The following ATP2C2 variants were observed in gnomAD, a reference collection of about 807,000 sequenced individuals.
ATP2C2 encodes the protein ATPase secretory pathway Ca2+ transporting 2.
A neutral mutation model predicts 110.8 loss-of-function variants in ATP2C2; 171 were observed. The ratio of observed to expected loss-of-function variants is 1.54; its 90% CI spans 1.36 to 1.75. ATP2C2 has a LOEUF of 1.75. Among genes scored for constraint, ATP2C2 ranks in the 40% most tolerant of loss-of-function variants. The pLI, the probability that ATP2C2 is intolerant of heterozygous loss-of-function variation, is 0.00. For synonymous variants in ATP2C2, 804 were observed against 508.4 expected (o/e 1.58, Z -7.82); for missense variants, 1,963 against 1,235.0 (o/e 1.59, Z -8.84).
Position 84,446,177 on chromosome 16 carries a change from C to G in ATP2C2, c.1402-152C>G, listed in dbSNP as rs184234089. 6.6e-4 allele frequency: 265 copies of G among 400,542 alleles called. 1 individual carries two copies. The East Asian group carries it at 9.7e-3, about 15-fold the overall frequency. The allele number at this position is 400,542 out of a possible 1,614,324, so 24.8% of individuals were successfully genotyped here. A position where few individuals can be genotyped will look rare whatever the true frequency, so the allele number is the denominator to read the frequency against. ...TTTTTTTTTTTCTAGGTGGGACATT[C>G]CAAGAGAAATGGCCTTTTTTCTATG... On this transcript the variant is annotated intron_variant, in intron 15 of 26. Transcript: ENST00000262429.
intron 24 of ATP2C2, 117 bp downstream of exon 24, chr16:84,460,918 C>T (rs1387015787): frequency 2.2e-6 from 3 of 1,366,398 alleles, no homozygotes; most frequent in East Asian, 4.7e-5. Context: ...CATGTACACA[C>T]ACCGGACAAT....
chr16:84,438,131 T>A (rs1373221999), intron 11 of ATP2C2, among the ~76,000 whole-genome samples: 1 of 152,258 alleles, frequency 6.6e-6, no homozygotes, highest in East Asian at 1.9e-4. Flanking sequence ...TGTTCACTGA[T>A]GGACATTTGG....
Position 84,454,945 on chromosome 16 carries a change from C to T in ATP2C2, c.2108C>T (p.Ala703Val). 6.2e-7 allele frequency: 1 copy of T among 1,613,654 alleles called. No individual in the cohort carries two copies. Among genetic ancestry groups the T allele is most frequent in the East Asian group, 2.2e-5 (1 of 44,856 alleles). ...GGGACGGACGTCAGCAAAGAGGCCG[C>T]CAACATGATCCTGGTGGATGATGAC... ...QTGTDVSKEA[A>V]NMILVDDDFS... Residue 703 changes from alanine to valine, a missense_variant, in exon 21 of 27, where the codon GCC becomes GTC. Ala to Val is a moderately conservative substitution (Grantham distance 64). Transcript: ENST00000262429.
intron 7 of ATP2C2, among the ~76,000 whole-genome samples, chr16:84,419,961 G>A (rs967062036): frequency 5.9e-5 from 9 of 152,110 alleles, no homozygotes; most frequent in East Asian, 1.9e-4. Context: ...AGCTTTTGGC[G>A]CAAAACAGCC....
chr16:84,387,471 C>T (rs1448423140), intron 1 of ATP2C2, among the ~76,000 whole-genome samples: 4 of 152,102 alleles, frequency 2.6e-5, no homozygotes, highest in African/African-American at 9.7e-5. Context: ...GAGATTGCGC[C>T]ATTGCACTCC....
intron 11 of ATP2C2, among the ~76,000 whole-genome samples, chr16:84,437,587 T>C (rs423339): frequency 0.84 from 128,391 of 152,158 alleles, 54,256 homozygotes; most frequent in East Asian, 0.95. Context: ...GCAGTCTCGG[T>C]TCACTGCAAC....
At chr16:84,398,153 G>C (rs1409595342) in intron 1 of ATP2C2, among the ~76,000 whole-genome samples, 1 of 151,942 alleles carries the variant, frequency 6.6e-6, no homozygotes, top group Admixed American at 6.5e-5. Context: ...TTTAATCCCA[G>C]CACTTTGGGA....
intron 1 of ATP2C2, 29 bp from the exon 2 acceptor site, chr16:84,398,470 G>C (rs756101311): frequency 6.7e-7 from 1 of 1,493,876 alleles, no homozygotes; most frequent in Non-Finnish European, 9.1e-7. Flanking sequence ...AGTTCAATCC[G>C]CTAAACAGCA....
At position 84,461,781 on chromosome 16, in the gene ATP2C2, A is replaced by G. The variant is rs755126643; in HGVS notation, c.2549A>G (p.Asp850Gly). The G allele has an allele frequency of 1.2e-6, 2 of 1,614,050 alleles. No homozygotes were observed. The highest frequency in any genetic ancestry group is 1.1e-5 in the South Asian group (1 of 91,068). ...TMTFTCFVFF[D>G]LFNALTCRSQ... Reference sequence around the variant, plus strand: ...ACGTTCACTTGTTTTGTGTTTTTCGATCTCTTCAACGCCTTGACCTGCCGC... The same window carrying G: ...ACGTTCACTTGTTTTGTGTTTTTCGGTCTCTTCAACGCCTTGACCTGCCGC... The change falls in exon 25 of 27, where the codon GAT becomes GGT. Residue 850 changes from aspartate to glycine, a missense_variant. By Grantham distance (94) the Asp-to-Gly change is moderately conservative (BLOSUM62 -1). Transcript: ENST00000262429.
intron 14 of ATP2C2, among the ~76,000 whole-genome samples, chr16:84,441,831 A>G (rs1039792278): frequency 5.3e-5 from 8 of 152,162 alleles, no homozygotes; most frequent in African/African-American, 1.9e-4. Flanking sequence ...CTGAGACAGG[A>G]GAATTGCCTT....
chr16:84,458,091 A>G (rs1276804091), intron 21 of ATP2C2, among the ~76,000 whole-genome samples: 6 of 3,328 alleles, frequency 1.8e-3, no homozygotes, highest in Non-Finnish European at 3.4e-3. Flanking sequence ...CTTGGAACCA[A>G]CCCAAATGTC....
At chr16:84,432,322 G>C (rs1474012115) in intron 11 of ATP2C2, among the ~76,000 whole-genome samples, 1 of 152,008 alleles carries the variant, frequency 6.6e-6, no homozygotes, top group East Asian at 1.9e-4. Flanking sequence ...GAATGTGCAG[G>C]TTTGTTACAT....
intron 4 of ATP2C2, 106 bp from the exon 5 acceptor site, chr16:84,410,462 A>G: frequency 1.5e-6 from 2 of 1,322,992 alleles, no homozygotes; most frequent in South Asian, 2.4e-5. Context: ...ATGTTTTGCA[A>G]GAAGAAAGGA....
chr16:84,383,773 T>G (rs1390895483), intron 1 of ATP2C2, among the ~76,000 whole-genome samples: 6 of 91,086 alleles, frequency 6.6e-5, no homozygotes, highest in Non-Finnish European at 8.5e-5. Context: ...GGGGTGGGGG[T>G]GTTGGTTTTG....
intron 1 of ATP2C2, among the ~76,000 whole-genome samples, chr16:84,380,451 C>T (rs984400521): frequency 6.6e-6 from 1 of 152,082 alleles, no homozygotes; most frequent in South Asian, 2.1e-4. Flanking sequence ...TTTAAAGTTC[C>T]TCCTTCACTC....
intron 7 of ATP2C2, among the ~76,000 whole-genome samples, chr16:84,416,627 C>A (rs1250398386): frequency 6.6e-6 from 1 of 152,174 alleles, no homozygotes; most frequent in African/African-American, 2.4e-5. Context: ...ATCCTCTCTG[C>A]CGTGACCTTC....
At chr16:84,416,555 C>T (rs1341786885) in intron 7 of ATP2C2, among the ~76,000 whole-genome samples, 1 of 152,030 alleles carries the variant, frequency 6.6e-6, no homozygotes, top group Non-Finnish European at 1.5e-5. Flanking sequence ...TTACAACATT[C>T]CTAGCCTGTC....
chr16:84,420,617 C>A (rs889099822), intron 7 of ATP2C2, among the ~76,000 whole-genome samples: 2 of 152,102 alleles, frequency 1.3e-5, no homozygotes, highest in African/African-American at 4.8e-5. Context: ...TCGGTCACAA[C>A]TAAGGAACCC....
chr16:84,444,564 C>T (rs778456412), intron 15 of ATP2C2, among the ~76,000 whole-genome samples: 7 of 152,166 alleles, frequency 4.6e-5, no homozygotes, highest in Non-Finnish European at 8.8e-5. Flanking sequence ...GTGAATGGAG[C>T]TCATTTCCCG....
Sources: allele counts gnomAD v4.1 joint callset (sites outside exome capture counted in the v4.1 genomes callset), GRCh38; gene constraint gnomAD v4.1.1; transcripts MANE v1.5; gene names NCBI Gene and HGNC (gene_info 2026-07-23, HGNC 2026-07-21).